The following RPS6KA5 variants were observed in gnomAD, a reference collection of about 807,000 sequenced individuals.
The protein encoded by RPS6KA5 is ribosomal protein S6 kinase A5, also known as ribosomal protein S6 kinase alpha-5.
Under a neutral mutation model 85.5 loss-of-function variants are expected in RPS6KA5, and 27 were observed. The observed-to-expected ratio is 0.32, with a 90% confidence interval of 0.23 to 0.44. The LOEUF (loss-of-function observed/expected upper bound fraction) is 0.44. RPS6KA5 is among the 20% of genes least tolerant of loss of function. The pLI is 1.00. For synonymous variants in RPS6KA5, 334 were observed against 348.2 expected (o/e 0.96, Z 0.46); for missense variants, 811 against 980.9 (o/e 0.83, Z 2.31).
At chr14:91,015,054 G>A (rs955897450) in intron 1 of RPS6KA5, among the ~76,000 whole-genome samples, 2 of 152,116 alleles carry the variant, frequency 1.3e-5, no homozygotes, top group African/African-American at 2.4e-5. Flanking sequence ...TGACCATGTC[G>A]TATGTCTGAA....
chr14:90,927,396 A>T (rs1168022292), intron 5 of RPS6KA5, among the ~76,000 whole-genome samples: 1 of 152,088 alleles, frequency 6.6e-6, no homozygotes, highest in Admixed American at 6.6e-5. Flanking sequence ...ATCATAACTC[A>T]CCAGTTAAAA....
chr14:90,992,093 GA>G (rs1166878517), intron 2 of RPS6KA5, among the ~76,000 whole-genome samples: 1 of 151,978 alleles, frequency 6.6e-6, no homozygotes, highest in African/African-American at 2.4e-5. Context: ...AAGTAGTGCT[GA>G]AAAAAATTTA....
rs940346146 is a variant in RPS6KA5, at chr14:90,887,295, C to T, written c.1836+3192G>A. Among the ~76,000 whole-genome samples, 6 of 152,254 alleles carry T rather than the reference C, an allele frequency of 3.9e-5. No homozygotes were observed. In the East Asian group the frequency reaches 1.2e-3, roughly 29 times the overall value. ...CTCTGGGCTCAAGTGAGCCTCTCAC[C>T]TCAGCCTCCCAAGTAGCTGGGACTA... is the stretch of plus-strand genomic sequence containing the variant. On this transcript the variant is annotated intron_variant, in intron 14 of 16. Coordinates refer to ENST00000614987, the MANE Select transcript of RPS6KA5 (RefSeq NM_004755.4).
intron 14 of RPS6KA5, among the ~76,000 whole-genome samples, chr14:90,886,147 A>G (rs1373711871): frequency 6.6e-6 from 1 of 152,180 alleles, no homozygotes; most frequent in East Asian, 1.9e-4. Flanking sequence ...ATACATATAA[A>G]GAAGAGCGTG....
chr14:91,055,767 C>T (rs745664514), intron 1 of RPS6KA5, among the ~76,000 whole-genome samples: 3 of 152,108 alleles, frequency 2.0e-5, no homozygotes, highest in Non-Finnish European at 4.4e-5. Flanking sequence ...TAGATTCCGT[C>T]TCCAAAAAAA....
chr14:90,877,471 C>T (rs142675381), intron 14 of RPS6KA5, among the ~76,000 whole-genome samples: 11 of 152,296 alleles, frequency 7.2e-5, no homozygotes, highest in Middle Eastern at 3.4e-3. Context: ...CCCAACCTCA[C>T]TTCTTCCCTC....
chr14:91,001,293 G>A (rs977120599), intron 1 of RPS6KA5, 134 bp from the exon 2 acceptor site: 8 of 605,254 alleles, frequency 1.3e-5, no homozygotes, highest in Admixed American at 9.6e-5. Context: ...ATAATTATTT[G>A]TTAAACAGTA....
In RPS6KA5 at chr14:90,959,904, A is replaced by G. The variant is rs143225704; in HGVS notation, c.395-12354T>C. On this transcript the variant is annotated intron_variant, in intron 3 of 16. Transcript: ENST00000614987. ...AATTTGAATGGAAAGGTTCCTATCA[A>G]GTTTATTTACAAACAAACCAGCAAG... Among the ~76,000 whole-genome samples the G allele has an allele frequency of 4.7e-3, 719 of 152,294 alleles. 6 individuals are homozygous for G. The highest frequency in any genetic ancestry group is 0.016 in the African/African-American group (680 of 41,562).
intron 3 of RPS6KA5, among the ~76,000 whole-genome samples, chr14:90,968,564 A>G (rs2039179766): frequency 6.6e-6 from 1 of 152,170 alleles, no homozygotes; most frequent in African/African-American, 2.4e-5. Context: ...TACCTCCATG[A>G]TAACACCATA....
At chr14:91,003,672 T>A (rs1242430270) in intron 1 of RPS6KA5, among the ~76,000 whole-genome samples, 1 of 152,174 alleles carries the variant, frequency 6.6e-6, no homozygotes, top group African/African-American at 2.4e-5. Context: ...CAGCTGAGAA[T>A]TTCATTTACT....
intron 4 of RPS6KA5, among the ~76,000 whole-genome samples, chr14:90,943,854 A>ATTG (rs1430586912): frequency 2.0e-5 from 3 of 151,936 alleles, no homozygotes; most frequent in Admixed American, 6.6e-5. Context: ...TGTTGTTGTT[A>ATTG]TTGTTGTTGT....
At position 91,051,797 on chromosome 14, in the gene RPS6KA5, T is replaced by TA. The variant is rs963199560; in HGVS notation, c.103+8534dup. 3.8e-3 allele frequency among the ~76,000 whole-genome samples: 551 copies of TA among 146,294 alleles called. 5 individuals are homozygous for TA. The highest frequency in any genetic ancestry group is 0.012 in the African/African-American group (501 of 40,124). ...AGCCACCATGTCTGGCCGAAAGATTTAAAAAAAAAAGAAAAAGCTCACCCA... is the reference window on the plus strand; with the variant it reads ...AGCCACCATGTCTGGCCGAAAGATTTAAAAAAAAAAAGAAAAAGCTCACCCA... On this transcript the variant is annotated intron_variant, in intron 1 of 16. Coordinates refer to ENST00000614987, the MANE Select transcript of RPS6KA5 (RefSeq NM_004755.4).
At chr14:91,049,791 A>C (rs751379619) in intron 1 of RPS6KA5, among the ~76,000 whole-genome samples, 2 of 152,236 alleles carry the variant, frequency 1.3e-5, no homozygotes, top group Non-Finnish European at 2.9e-5. Flanking sequence ...TAGATGGTAT[A>C]GGTTACTACA....
rs746707654 is a variant in RPS6KA5, at chr14:90,920,209, G to A, written c.803C>T (p.Ser268Phe). The A allele has an allele frequency of 6.4e-7, 1 of 1,573,248 alleles. No homozygotes were observed. The change falls in exon 7 of 17, where the codon TCT becomes TTT. Residue 268 changes from serine to phenylalanine, a missense_variant. Ser to Phe is a radical substitution (Grantham distance 155). Around this residue, in one of 3 missense-constraint regions of RPS6KA5, gnomAD observed 650 missense variants for 793.4 expected, o/e 0.82. Coordinates refer to ENST00000614987, the MANE Select transcript of RPS6KA5 (RefSeq NM_004755.4). ...DGEKNSQAEI[S>F]RRILKSEPPY... ...ATTTTATTTTGTCAAATCTTACCTA[G>A]ATATCTCAGCTTGGGAATTTTTTTC...
At chr14:91,055,392 G>C (rs897833461) in intron 1 of RPS6KA5, among the ~76,000 whole-genome samples, 1 of 152,214 alleles carries the variant, frequency 6.6e-6, no homozygotes, top group African/African-American at 2.4e-5. Flanking sequence ...TTTCAAACAA[G>C]TGGTGAATGC....
At chr14:90,962,454 A>C (rs2038853617) in intron 3 of RPS6KA5, among the ~76,000 whole-genome samples, 1 of 151,632 alleles carries the variant, frequency 6.6e-6, no homozygotes, top group Admixed American at 6.6e-5. Context: ...TAGGTGCAAA[A>C]TTTTGTACTT....
chr14:91,000,107 C>T (rs966928284), intron 2 of RPS6KA5, among the ~76,000 whole-genome samples: 11 of 152,122 alleles, frequency 7.2e-5, no homozygotes, highest in Non-Finnish European at 8.8e-5. Flanking sequence ...CGCCCGGGCA[C>T]CTAGAGATTT....
At chr14:90,982,976 C>T (rs903162611) in intron 2 of RPS6KA5, among the ~76,000 whole-genome samples, 2 of 151,986 alleles carry the variant, frequency 1.3e-5, no homozygotes, top group African/African-American at 2.4e-5. Context: ...AGGCAGGGGT[C>T]GTGGTGGGCA....
chr14:91,000,218 C>G (rs918273409), intron 2 of RPS6KA5, among the ~76,000 whole-genome samples: 3 of 152,108 alleles, frequency 2.0e-5, no homozygotes, highest in African/African-American at 4.8e-5. Context: ...ACATTCTCTT[C>G]TGTAGCTTTT....
Sources: allele counts gnomAD v4.1 joint callset (sites outside exome capture counted in the v4.1 genomes callset), GRCh38; gene constraint gnomAD v4.1.1; regional missense constraint gnomAD v4.1.1; transcripts MANE v1.5; gene names NCBI Gene and HGNC (gene_info 2026-07-23, HGNC 2026-07-21).